EDA: variants seen among roughly 807,000 people sequenced by gnomAD.
The protein encoded by EDA is ectodysplasin-A.
A neutral mutation model predicts 23.6 loss-of-function variants in EDA; 2 were observed. The observed-to-expected ratio is 0.08, with a 90% CI of 0.03 to 0.27. EDA has a LOEUF of 0.27. Among genes scored for constraint, EDA ranks in the 10% least tolerant of loss-of-function variants. The pLI is 1.00. For missense variants in EDA, 229 were observed against 324.2 expected, an observed-to-expected ratio of 0.71 and a Z score of 2.26; for synonymous variants, 131 against 132.0, an observed-to-expected ratio of 0.99 and a Z score of 0.05.
chrX:69,677,427 T>A (rs1489281631), intron 1 of EDA, among the ~76,000 whole-genome samples: 1 of 111,626 alleles, frequency 9.0e-6, no homozygotes, highest in African/African-American at 3.3e-5. Context: ...ATGGTTGAAC[T>A]AGTTTGCAGT....
chrX:69,738,151 T>C (rs910033328), intron 1 of EDA, among the ~76,000 whole-genome samples: 1 of 111,062 alleles, frequency 9.0e-6, no homozygotes, highest in African/African-American at 3.3e-5. Flanking sequence ...TTCAAATTAT[T>C]TTTTGCCTTT....
chrX:69,691,084 T>C (rs189196919), intron 1 of EDA, among the ~76,000 whole-genome samples: 4 of 111,772 alleles, frequency 3.6e-5, no homozygotes, highest in Admixed American at 2.9e-4. Flanking sequence ...AAATCGCCTT[T>C]TGAAAAGAGA....
At chrX:69,692,294 C>T (rs982115284) in intron 1 of EDA, among the ~76,000 whole-genome samples, 6 of 111,573 alleles carry the variant, frequency 5.4e-5, no homozygotes, top group African/African-American at 2.0e-4. Context: ...TAGAAACTCT[C>T]TAGCCCAGCC....
chrX:69,717,519 TG>T (rs1383118219), intron 1 of EDA, among the ~76,000 whole-genome samples: 1 of 92,105 alleles, frequency 1.1e-5, no homozygotes, highest in Non-Finnish European at 2.4e-5. Context: ...CATGTCAAAT[TG>T]TTTTTTTTTT....
chrX:69,938,844 C>T (rs1047367798), intron 1 of EDA, among the ~76,000 whole-genome samples: 1 of 112,249 alleles, frequency 8.9e-6, no homozygotes, highest in Non-Finnish European at 1.9e-5. Flanking sequence ...GCACCATTTA[C>T]TGAAGAGACT....
chrX:69,857,856 T>G (rs2017294379), intron 1 of EDA, among the ~76,000 whole-genome samples: 1 of 112,499 alleles, frequency 8.9e-6, no homozygotes, highest in Non-Finnish European at 1.9e-5. Context: ...TGATTCTATC[T>G]ATCGATGAGC....
chrX:70,014,956 AAG>A (rs2019926453), intron 2 of EDA, among the ~76,000 whole-genome samples: 1 of 112,125 alleles, frequency 8.9e-6, no homozygotes, highest in Non-Finnish European at 1.9e-5. Flanking sequence ...CATCTCTTGA[AAG>A]AGAGGGAGGG....
chrX:69,622,087 G>A (rs796404429), intron 1 of EDA, among the ~76,000 whole-genome samples: 8 of 111,109 alleles, frequency 7.2e-5, no homozygotes, highest in South Asian at 3.8e-4. Context: ...ATATTATTTC[G>A]TTGCTCGAAT....
At chrX:69,830,340 C>T (rs2016577398) in intron 1 of EDA, among the ~76,000 whole-genome samples, 1 of 111,569 alleles carries the variant, frequency 9.0e-6, no homozygotes, top group African/African-American at 3.3e-5. Flanking sequence ...GATTCTTAGT[C>T]CTTTGAAACA....
chrX:69,936,142 C>T (rs1211692774), intron 1 of EDA, among the ~76,000 whole-genome samples: 1 of 108,272 alleles, frequency 9.2e-6, no homozygotes, highest in African/African-American at 3.3e-5. Flanking sequence ...ACAAAATATA[C>T]CTAAAGACTT....
At chrX:69,741,933 G>A (rs1436588433) in intron 1 of EDA, among the ~76,000 whole-genome samples, 3 of 112,019 alleles carry the variant, frequency 2.7e-5, no homozygotes, top group African/African-American at 9.7e-5. Flanking sequence ...CTAGGGGAGA[G>A]TTTTGGAGTC....
chrX:70,004,204 A>G (rs2019772978), intron 2 of EDA, among the ~76,000 whole-genome samples: 1 of 111,962 alleles, frequency 8.9e-6, no homozygotes, highest in Non-Finnish European at 1.9e-5. Context: ...AAACTAAGCC[A>G]GAACTGAGCC....
At chrX:69,837,922 C>G (rs1199934638) in intron 1 of EDA, among the ~76,000 whole-genome samples, 3 of 112,399 alleles carry the variant, frequency 2.7e-5, no homozygotes, top group Non-Finnish European at 5.6e-5. Flanking sequence ...TTAGGGTGAC[C>G]TTTCCATTTT....
intron 1 of EDA, among the ~76,000 whole-genome samples, chrX:69,790,482 A>G (rs1259282178): frequency 1.8e-5 from 2 of 111,775 alleles, no homozygotes; most frequent in Admixed American, 9.5e-5. Context: ...AAGAATATTC[A>G]GTGTGTGACC....
chrX:69,760,987 A>G (rs1244664966), intron 1 of EDA, among the ~76,000 whole-genome samples: 2 of 111,220 alleles, frequency 1.8e-5, no homozygotes, highest in Non-Finnish European at 3.8e-5. Flanking sequence ...AGGGGATGAC[A>G]TGCACAAAGC....
chrX:69,651,253 G>A (rs144302996), intron 1 of EDA, among the ~76,000 whole-genome samples: 2,703 of 111,703 alleles, frequency 0.024, 66 homozygotes, highest in African/African-American at 0.084. Flanking sequence ...TAGTGCAGAT[G>A]TAGATTTTTG....
At chrX:69,830,068 G>A (rs12156697) in intron 1 of EDA, among the ~76,000 whole-genome samples, 25,677 of 109,586 alleles carry the variant, frequency 0.23, 2,333 homozygotes, top group African/African-American at 0.31. Context: ...TTAGTCTTCC[G>A]GCTCCTTTTA....
chrX:69,732,773 C>G (rs1312339444), intron 1 of EDA, among the ~76,000 whole-genome samples: 2 of 111,982 alleles, frequency 1.8e-5, no homozygotes, highest in African/African-American at 3.2e-5. Context: ...TGTTTCCTGA[C>G]TTTTTAATGA....
chrX:69,970,635 A>G (rs2019234813), intron 2 of EDA, among the ~76,000 whole-genome samples: 1 of 111,975 alleles, frequency 8.9e-6, no homozygotes, highest in Non-Finnish European at 1.9e-5. Context: ...GCTTCCCTGT[A>G]TACTGAACAT....
Sources: allele counts gnomAD v4.1 joint callset (sites outside exome capture counted in the v4.1 genomes callset), GRCh38; gene constraint gnomAD v4.1.1; transcripts MANE v1.5; gene names NCBI Gene and HGNC (gene_info 2026-07-23, HGNC 2026-07-21).